The following C8orf34 variants were observed in gnomAD, a reference collection of about 807,000 sequenced individuals.
C8orf34 encodes the protein uncharacterized protein C8orf34.
C8orf34 carries 65 observed loss-of-function variants against 68.3 expected under a neutral mutation model. That is an observed-to-expected ratio of 0.95 (90% confidence interval 0.78 to 1.17). C8orf34 has a LOEUF of 1.17. Ranked by LOEUF, C8orf34 falls within the 50% of genes most tolerant of loss-of-function variation. The pLI, the probability that C8orf34 is intolerant of heterozygous loss-of-function variation, is 0.00. For synonymous variants in C8orf34, 244 were observed against 241.2 expected (o/e 1.01, Z -0.11); for missense variants, 664 against 655.4 (o/e 1.01, Z -0.14).
chr8:68,332,140 A>G (rs1805638645), intron 1 of C8orf34, among the ~76,000 whole-genome samples: 1 of 152,122 alleles, frequency 6.6e-6, no homozygotes, highest in East Asian at 1.9e-4. Flanking sequence ...AAAATACAGT[A>G]GAAGGAAGAG....
At chr8:68,580,131 G>T (rs1158583273) in intron 7 of C8orf34, among the ~76,000 whole-genome samples, 1 of 152,050 alleles carries the variant, frequency 6.6e-6, no homozygotes, top group Non-Finnish European at 1.5e-5. Flanking sequence ...GTAAATGAGA[G>T]AATTATTCAT....
chr8:68,333,036 G>C (rs1805698110), intron 1 of C8orf34, among the ~76,000 whole-genome samples: 1 of 151,980 alleles, frequency 6.6e-6, no homozygotes, highest in Non-Finnish European at 1.5e-5. Flanking sequence ...TACTCTCCTG[G>C]AGTATAAAGT....
At chr8:68,577,894 C>G in intron 7 of C8orf34, among the ~76,000 whole-genome samples, 1 of 150,298 alleles carries the variant, frequency 6.7e-6, no homozygotes, top group East Asian at 1.9e-4. Context: ...CATACAAACA[C>G]GAAAAAAAAA....
chr8:68,803,707 A>G (rs1016865587), intron 12 of C8orf34, among the ~76,000 whole-genome samples: 3 of 152,146 alleles, frequency 2.0e-5, no homozygotes, highest in Admixed American at 6.5e-5. Context: ...CAGAAAAGCA[A>G]GTAAATGCGT....
intron 1 of C8orf34, among the ~76,000 whole-genome samples, chr8:68,348,109 T>A (rs1421902031): frequency 6.6e-6 from 1 of 152,122 alleles, no homozygotes; most frequent in African/African-American, 2.4e-5. Context: ...TACATTTACA[T>A]CTTTAATCCA....
chr8:68,768,192 T>G (rs1823235412), intron 10 of C8orf34, among the ~76,000 whole-genome samples: 1 of 152,216 alleles, frequency 6.6e-6, no homozygotes, highest in Non-Finnish European at 1.5e-5. Context: ...TCAAGTTTGT[T>G]TATGAGTCAT....
At chr8:68,735,023 A>G (rs767415518) in intron 10 of C8orf34, among the ~76,000 whole-genome samples, 7 of 152,110 alleles carry the variant, frequency 4.6e-5, no homozygotes, top group Non-Finnish European at 1.0e-4. Context: ...AAATTACACA[A>G]CCCCTTTGTG....
chr8:68,528,905 C>T (rs975041833), intron 6 of C8orf34, among the ~76,000 whole-genome samples: 1 of 152,190 alleles, frequency 6.6e-6, no homozygotes, highest in Admixed American at 6.5e-5. Flanking sequence ...CTTATCTGTG[C>T]TCAGGTTTTC....
At chr8:68,463,072 G>A (rs1018117736) in intron 3 of C8orf34, among the ~76,000 whole-genome samples, 20 of 151,974 alleles carry the variant, frequency 1.3e-4, no homozygotes, top group South Asian at 2.1e-4. Context: ...AAAGAGAGAA[G>A]AATCAAATAG....
intron 1 of C8orf34, among the ~76,000 whole-genome samples, chr8:68,396,712 C>CAA (rs56946858): frequency 0.037 from 696 of 18,672 alleles, 99 homozygotes; most frequent in Non-Finnish European, 0.052. Context: ...AGCTGCTTGT[C>CAA]AAAAAAAAAA....
intron 7 of C8orf34, among the ~76,000 whole-genome samples, chr8:68,604,740 C>A: frequency 6.6e-6 from 1 of 151,954 alleles, no homozygotes; most frequent in African/African-American, 2.4e-5. Flanking sequence ...ATGTAAAAGG[C>A]AAAACTGTAA....
At chr8:68,492,940 C>T (rs964599606) in intron 5 of C8orf34, among the ~76,000 whole-genome samples, 2 of 152,234 alleles carry the variant, frequency 1.3e-5, no homozygotes, top group Non-Finnish European at 2.9e-5. Context: ...ACATAGCCTT[C>T]AGGAGGTTAC....
intron 1 of C8orf34, among the ~76,000 whole-genome samples, chr8:68,346,306 T>A (rs1801578755): frequency 7.5e-6 from 1 of 133,242 alleles, no homozygotes; most frequent in Admixed American, 7.6e-5. Flanking sequence ...TTGTTAGGAT[T>A]TAGGTTCACA....
chr8:68,662,119 C>T lies in C8orf34; in HGVS notation c.1241+21608C>T, dbSNP rs1421686954. The stretch of plus-strand genomic sequence containing the variant: ...CTGCAGACAGGAATAGGGCTTGGGG[C>T]TTTGGCGGGAAAGTGGCAATGGGTT... On this transcript the variant is annotated intron_variant, in intron 8 of 13. Transcript: ENST00000518698. Among the ~76,000 whole-genome samples, 3 of 152,052 alleles carry T rather than the reference C, an allele frequency of 2.0e-5. No homozygotes were observed. In the East Asian group the frequency reaches 5.8e-4, roughly 29 times the overall value.
Position 68,794,506 on chromosome 8 carries a change from T to TATATATATATACA in C8orf34, c.1549+6970_1549+6971insATATATATATACA, listed in dbSNP as rs58048066. Among the ~76,000 whole-genome samples the TATATATATATACA allele has an allele frequency of 8.2e-3, 480 of 58,648 alleles. 2 individuals are homozygous for TATATATATATACA. Among genetic ancestry groups the TATATATATATACA allele is most frequent in the Non-Finnish European group, 0.013 (419 of 33,428 alleles). The allele number at this position is 58,648 out of a possible 152,430, so 38.5% of individuals were successfully genotyped here. A position where few individuals can be genotyped will look rare whatever the true frequency, so the allele number is the denominator to read the frequency against. ...AAATATATATATATATATATATATA[T>TATATATATATACA]TTTTTTTTTTTTTTTTTAGACAGGC... On this transcript the variant is annotated intron_variant, in intron 12 of 13. Transcript: ENST00000518698.
chr8:68,401,464 G>A (rs143013812), intron 1 of C8orf34, among the ~76,000 whole-genome samples: 3,310 of 152,180 alleles, frequency 0.022, 54 homozygotes, highest in Non-Finnish European at 0.032. Flanking sequence ...AATTCATAGA[G>A]AGAATACTTT....
intron 10 of C8orf34, among the ~76,000 whole-genome samples, chr8:68,739,982 T>C (rs1313358808): frequency 6.6e-6 from 1 of 152,070 alleles, no homozygotes; most frequent in Admixed American, 6.6e-5. Flanking sequence ...TCAACAAAGC[T>C]GACAAAAACA....
intron 10 of C8orf34, among the ~76,000 whole-genome samples, chr8:68,756,670 T>A (rs1157724622): frequency 6.6e-6 from 1 of 152,206 alleles, no homozygotes; most frequent in African/African-American, 2.4e-5. Context: ...TTCCAATTTA[T>A]AAATCACTGA....
chr8:68,750,631 TAAAA>T (rs200239917), intron 10 of C8orf34, among the ~76,000 whole-genome samples: 1 of 152,064 alleles, frequency 6.6e-6, no homozygotes, highest in African/African-American at 2.4e-5. Context: ...TTTACCATAA[TAAAA>T]AAAGCTGTGT....
Sources: gnomAD v4.1 joint callset for allele counts (sites outside exome capture counted in the v4.1 genomes callset) on GRCh38, gnomAD v4.1.1 for gene constraint, MANE v1.5 for transcripts, NCBI Gene and HGNC (gene_info 2026-07-23, HGNC 2026-07-21) for gene names.